The following CHEK1 variants were observed in gnomAD, a reference collection of about 807,000 sequenced individuals.
The protein encoded by CHEK1 is serine/threonine-protein kinase Chk1.
In CHEK1, 32 loss-of-function variants were observed where a neutral mutation model predicts 60.2. The ratio of observed to expected loss-of-function variants is 0.53; its 90% confidence interval spans 0.40 to 0.71. CHEK1 has a LOEUF of 0.71. Among genes scored for constraint, CHEK1 ranks in the 30% least tolerant of loss-of-function variants. The pLI, the probability that CHEK1 is intolerant of heterozygous loss-of-function variation, is 0.00. For synonymous variants in CHEK1, 179 were observed against 187.2 expected, an observed-to-expected ratio of 0.96 and a Z score of 0.36; for missense variants, 399 against 564.6, an observed-to-expected ratio of 0.71 and a Z score of 2.97.
chr11:125,664,740 C>T (rs796613249), intron 13 of CHEK1, among the ~76,000 whole-genome samples: 1 of 151,944 alleles, frequency 6.6e-6, no homozygotes, highest in East Asian at 1.9e-4. Flanking sequence ...CTCTTCATTC[C>T]GATTTTTTTT....
In CHEK1 at chr11:125,625,645, C is replaced by G. The variant is rs1001842815; in HGVS notation, c.-388C>G. 1.7e-5 allele frequency: 10 copies of G among 595,686 alleles called. No individual in the cohort carries two copies. The Admixed American group carries it at 2.3e-4, about 14-fold the overall frequency. 36.9% of individuals were successfully genotyped at this position (595,686 alleles called of 1,614,324 possible). A position where few individuals can be genotyped will look rare whatever the true frequency, so the allele number is the denominator to read the frequency against. On this transcript the variant is annotated 5_prime_UTR_variant, in exon 1 of 13. Transcript: ENST00000438015. ...CGCCTGGAAGCGCAGCGCGGTCGGT[C>G]GCGCGCCCCTGAGGCTTGGAGGCCT...
intron 1 of CHEK1, 118 bp from the exon 2 acceptor site, chr11:125,626,631 T>C: frequency 1.2e-6 from 1 of 801,194 alleles, no homozygotes; most frequent in East Asian, 2.5e-5. Flanking sequence ...GTGGATGAGA[T>C]AGAAGGGGAA....
At chr11:125,677,010 C>G (rs1360527336), downstream of CHEK1, among the ~76,000 whole-genome samples, 2 of 152,176 alleles carry the variant, frequency 1.3e-5, no homozygotes. Context: ...CATGTTGCCT[C>G]TTTTACTGTC....
At chr11:125,641,073 T>C (rs889301444) in intron 8 of CHEK1, among the ~76,000 whole-genome samples, 2 of 152,164 alleles carry the variant, frequency 1.3e-5, no homozygotes, top group African/African-American at 4.8e-5. Flanking sequence ...TTAGTAGCTG[T>C]TTTGGTTATT....
At chr11:125,676,454 CAT>C (rs747783930), downstream of CHEK1, 42 of 1,614,136 alleles carry the variant, frequency 2.6e-5, no homozygotes, top group Non-Finnish European at 3.3e-5. Flanking sequence ...CATATAAGCA[CAT>C]GTGTAGCAAT....
downstream of CHEK1, chr11:125,678,155 T>TA: frequency 1.2e-6 from 2 of 1,614,154 alleles, no homozygotes; most frequent in Non-Finnish European, 1.7e-6. Flanking sequence ...CATGCTCACT[T>TA]AAAGTGTTCA....
At chr11:125,627,546 A>T in intron 2 of CHEK1, 61 bp from the exon 3 acceptor site, 3 of 1,407,630 alleles carry the variant, frequency 2.1e-6, no homozygotes, top group Non-Finnish European at 2.9e-6. Flanking sequence ...AGTCATGTTT[A>T]ATCTTTGGAA....
At chr11:125,643,666 C>A in intron 8 of CHEK1, 126 bp from the exon 9 acceptor site, 1 of 666,390 alleles carries the variant, frequency 1.5e-6, no homozygotes, top group Non-Finnish European at 2.4e-6. Context: ...TTATATCTTA[C>A]AAAAATTTTG....
chr11:125,647,650 A>C (rs1473209538), intron 11 of CHEK1, among the ~76,000 whole-genome samples: 1 of 152,174 alleles, frequency 6.6e-6, no homozygotes, highest in African/African-American at 2.4e-5. Flanking sequence ...CTTGGGACCA[A>C]AAGTTTTGTG....
At chr11:125,631,919 GAT>G (rs1485270792) in intron 5 of CHEK1, among the ~76,000 whole-genome samples, 2 of 138,890 alleles carry the variant, frequency 1.4e-5, no homozygotes, top group Non-Finnish European at 3.1e-5. Flanking sequence ...TCCTAAGTCA[GAT>G]AGAGGTAAAC....
rs1771441314 is a variant in CHEK1, at chr11:125,648,868, G to A, written c.1233+4225G>A. On this transcript the variant is annotated intron_variant, in intron 11 of 12. Transcript: ENST00000438015. ...TTTCTCCGTCTATTGAGATAATCAT[G>A]TGGATTTTTTTTCCCTTTATTAATA... Among the ~76,000 whole-genome samples, 3 of 152,114 alleles carry A rather than the reference G, an allele frequency of 2.0e-5. No homozygotes were observed. In the South Asian group the frequency reaches 6.2e-4, roughly 31 times the overall value.
intron 5 of CHEK1, among the ~76,000 whole-genome samples, chr11:125,631,000 C>T (rs1394601515): frequency 1.3e-5 from 2 of 152,074 alleles, no homozygotes; most frequent in African/African-American, 2.4e-5. Flanking sequence ...CAAAAGAATT[C>T]ATATGGTCTG....
At chr11:125,663,635 G>A (rs1942053797) in intron 13 of CHEK1, among the ~76,000 whole-genome samples, 1 of 152,004 alleles carries the variant, frequency 6.6e-6, no homozygotes, top group Non-Finnish European at 1.5e-5. Context: ...TCTGTTGATA[G>A]TTTCTTTTGC....
rs987975032 is a variant in CHEK1 at position 125,675,139 on chromosome 11, A to G, written c.*28-789A>G. Among the ~76,000 whole-genome samples the G allele has an allele frequency of 5.9e-4, 90 of 152,346 alleles. 1 individual carries two copies. The highest frequency in any genetic ancestry group is 2.0e-3 in the African/African-American group (83 of 41,582). On this transcript the variant is annotated intron_variant, in intron 13 of 13. Coordinates refer to the CHEK1 transcript ENST00000428830. ...TTAATTGCTTTGGTGCAACCTGAAC[A>G]TTAGGATTTTTTAAAGTTGCTCAGG...
Position 125,656,127 on chromosome 11 carries a change from T to C in CHEK1, c.*807T>C, listed in dbSNP as rs537919085. The C allele has an allele frequency of 2.5e-4, 52 of 211,804 alleles. No individual in the cohort carries two copies. The highest frequency in any genetic ancestry group is 4.3e-4 in the Non-Finnish European group (45 of 104,584). The allele number at this position is 211,804 out of a possible 1,614,324, so 13.1% of individuals were successfully genotyped here. A position where few individuals can be genotyped will look rare whatever the true frequency, so the allele number is the denominator to read the frequency against. On this transcript the variant is annotated 3_prime_UTR_variant, in exon 13 of 13. Coordinates refer to ENST00000438015, the MANE Select transcript of CHEK1 (RefSeq NM_001114122.3). ...GAAGCTATAAGAAAAATAGATCTGATTCTTTGTTCCTTTACCTGTTAGACT... is the reference window on the plus strand; with the variant it reads ...GAAGCTATAAGAAAAATAGATCTGACTCTTTGTTCCTTTACCTGTTAGACT...
chr11:125,675,282 T>A (rs1468816508), intron 13 of CHEK1, among the ~76,000 whole-genome samples: 2 of 152,344 alleles, frequency 1.3e-5, no homozygotes, highest in African/African-American at 2.4e-5. Context: ...ATCTTTCCTT[T>A]CCCTGAACTC....
At chr11:125,642,885 G>A (rs1185864530) in intron 8 of CHEK1, 1 of 152,196 alleles carries the variant, frequency 6.6e-6, no homozygotes, top group Non-Finnish European at 1.5e-5. Flanking sequence ...TTACAGAAAA[G>A]TGTAGTTTTG....
Position 125,657,072 on chromosome 11 carries a change from A to T in CHEK1, c.*1752A>T. Reference sequence around the variant, plus strand: ...AATAAGTTGCCTTAATTTTCCTGTAATGTTCATTATATTGTTGTGGGAAGG... The same window carrying T: ...AATAAGTTGCCTTAATTTTCCTGTATTGTTCATTATATTGTTGTGGGAAGG... On this transcript the variant is annotated 3_prime_UTR_variant, in exon 13 of 13. Transcript: ENST00000438015. 1 of 181,888 alleles carries T rather than the reference A, an allele frequency of 5.5e-6. No individual in the cohort carries two copies. The highest frequency in any genetic ancestry group is 1.2e-5 in the Non-Finnish European group (1 of 85,370). 11.3% of individuals were successfully genotyped at this position (181,888 alleles called of 1,614,324 possible).
At chr11:125,677,038 A>T (rs533595952), downstream of CHEK1, among the ~76,000 whole-genome samples, 4 of 152,264 alleles carry the variant, frequency 2.6e-5, no homozygotes, top group African/African-American at 9.6e-5. Context: ...CTAATCCCCC[A>T]GTTTGGGAAG....
Sources: gnomAD v4.1 joint callset for allele counts (sites outside exome capture counted in the v4.1 genomes callset) on GRCh38, gnomAD v4.1.1 for gene constraint, MANE v1.5 for transcripts, NCBI Gene and HGNC (gene_info 2026-07-23, HGNC 2026-07-21) for gene names.